Variants in PCDHA13 observed in about 807,000 individuals in gnomAD.
PCDHA13 encodes the protein protocadherin alpha-13.
In PCDHA13, 54 loss-of-function variants were observed where a neutral mutation model predicts 64.8. The ratio of observed to expected loss-of-function variants is 0.83; its 90% confidence interval spans 0.67 to 1.04. The LOEUF (loss-of-function observed/expected upper bound fraction) is 1.04, where lower values mean the gene tolerates loss of function less well. PCDHA13 is among the 50% of genes least tolerant of loss of function. The probability of loss-of-function intolerance (pLI) is 0.00; values close to 1 mark genes in which losing one functional copy is unlikely to be tolerated. For synonymous variants in PCDHA13, 587 were observed against 564.4 expected (o/e 1.04, Z -0.57); for missense variants, 1,248 against 1,254.3 (o/e 0.99, Z 0.08).
At chr5:140,901,906 G>T (rs1275600408) in intron 1 of PCDHA13, among the ~76,000 whole-genome samples, 1 of 151,902 alleles carries the variant, frequency 6.6e-6, no homozygotes, top group Non-Finnish European at 1.5e-5. Context: ...TCATTGTGGA[G>T]ATCTTTCACT....
chr5:140,981,024 A>G (rs2096915063), intron 2 of PCDHA13, among the ~76,000 whole-genome samples: 2 of 152,112 alleles, frequency 1.3e-5, no homozygotes, highest in Admixed American at 6.5e-5. Flanking sequence ...AAGGCTGTTA[A>G]TATTTGGGGA....
chr5:140,939,900 A>G (rs916984176), intron 1 of PCDHA13, among the ~76,000 whole-genome samples: 5 of 152,150 alleles, frequency 3.3e-5, no homozygotes, highest in Admixed American at 3.3e-4. Flanking sequence ...AATATTCTGC[A>G]TTCTTTTTTA....
rs1281739668 is a variant in PCDHA13, at chr5:140,966,815, C to T, written c.2395-12134C>T. On this transcript the variant is annotated intron_variant, in intron 1 of 3. Transcript: ENST00000289272. The stretch of plus-strand genomic sequence containing the variant: ...TGCGGCGACAGAGCATCCACGGCTC[C>T]GGCGGCCCATGCCCTGGCTGCTGCT... 1.9e-6 allele frequency: 3 copies of T among 1,552,884 alleles called. No individual in the cohort carries two copies. The highest frequency in any genetic ancestry group is 1.7e-6 in the Non-Finnish European group (2 of 1,153,182).
chr5:140,955,987 A>G (rs1185683030), intron 1 of PCDHA13, among the ~76,000 whole-genome samples: 3 of 152,198 alleles, frequency 2.0e-5, no homozygotes, highest in African/African-American at 7.2e-5. Flanking sequence ...CAATTTTTGC[A>G]CATTGATTTT....
Position 140,883,762 on chromosome 5 carries a change from G to T in PCDHA13, c.1494G>T (p.Arg498=). ...ALVSYSLVER[R]VGERALSSYV... Reference sequence around the variant, plus strand: ...TCTCCTACTCGCTGGTGGAGCGGCGGGTGGGCGAGCGTGCGCTGTCGAGCT... The same window carrying T: ...TCTCCTACTCGCTGGTGGAGCGGCGTGTGGGCGAGCGTGCGCTGTCGAGCT... The change falls in exon 1 of 4, where the codon CGG becomes CGT. Residue 498 remains arginine, a synonymous_variant. Coordinates refer to ENST00000289272, the MANE Select transcript of PCDHA13 (RefSeq NM_018904.3). 3 of 1,612,794 alleles carry T rather than the reference G, an allele frequency of 1.9e-6. No homozygotes were observed. The highest frequency in any genetic ancestry group is 2.5e-6 in the Non-Finnish European group (3 of 1,179,710).
chr5:141,004,094 G>C (rs962663466), intron 3 of PCDHA13, among the ~76,000 whole-genome samples: 1 of 152,194 alleles, frequency 6.6e-6, no homozygotes, highest in African/African-American at 2.4e-5. Flanking sequence ...TGCTTCTTCC[G>C]TTTTCATCTT....
intron 1 of PCDHA13, among the ~76,000 whole-genome samples, chr5:140,885,265 T>C (rs2060534945): frequency 6.6e-6 from 1 of 152,186 alleles, no homozygotes; most frequent in African/African-American, 2.4e-5. Flanking sequence ...TAATTACTCA[T>C]ACATATATAT....
intron 1 of PCDHA13, among the ~76,000 whole-genome samples, chr5:140,908,920 C>A (rs782461394): frequency 6.6e-5 from 10 of 152,180 alleles, no homozygotes; most frequent in Admixed American, 1.3e-4. Flanking sequence ...GTAGGAGGGG[C>A]CAAATGCAGC....
intron 1 of PCDHA13, among the ~76,000 whole-genome samples, chr5:140,886,844 A>AAAAG (rs1232979230): frequency 8.6e-5 from 13 of 150,634 alleles, no homozygotes; most frequent in African/African-American, 1.2e-4. Flanking sequence ...AAAAAAAAAA[A>AAAAG]AAAGAAAGGT....
intron 1 of PCDHA13, among the ~76,000 whole-genome samples, chr5:140,972,812 C>T (rs782305867): frequency 5.3e-5 from 8 of 151,914 alleles, no homozygotes; most frequent in East Asian, 3.9e-4. Context: ...TACAGGCACG[C>T]GCCACCACGC....
At position 140,884,580 on chromosome 5, in the gene PCDHA13, C is replaced by G; in HGVS notation, c.2312C>G (p.Ala771Gly). 1 of 1,614,150 alleles carries G rather than the reference C, an allele frequency of 6.2e-7. No individual in the cohort carries two copies. Among genetic ancestry groups the G allele is most frequent in the Non-Finnish European group, 8.5e-7 (1 of 1,180,014 alleles). ...GEGPHKTDLM[A>G]FSPSLPPCLG... The stretch of plus-strand genomic sequence containing the variant: ...GGCCCGCATAAGACGGACCTCATGG[C>G]CTTCAGTCCCAGCCTTCCTCCTTGT... The change falls in exon 1 of 4, where the codon GCC (alanine) becomes GGC (glycine). Residue 771 changes from alanine (A) to glycine (G), a missense_variant. Transcript: ENST00000289272.
At chr5:140,922,002 A>G (rs138196210) in intron 1 of PCDHA13, among the ~76,000 whole-genome samples, 100 of 152,130 alleles carry the variant, frequency 6.6e-4, no homozygotes, top group Admixed American at 1.6e-3. Flanking sequence ...CAATGAAATG[A>G]TTAGTTTAAA....
intron 1 of PCDHA13, chr5:140,967,921 C>T (rs781932025): frequency 6.2e-6 from 10 of 1,614,172 alleles, no homozygotes; most frequent in South Asian, 4.4e-5. Flanking sequence ...CCATTGTGGC[C>T]GTTCTCAGTG....
chr5:140,937,197 C>T (rs1228010742), intron 1 of PCDHA13, among the ~76,000 whole-genome samples: 2 of 151,938 alleles, frequency 1.3e-5, no homozygotes, highest in African/African-American at 2.4e-5. Flanking sequence ...GCCACCATGC[C>T]CGGCTAATTT....
chr5:141,008,941 G>T, intron 3 of PCDHA13, among the ~76,000 whole-genome samples: 1 of 152,140 alleles, frequency 6.6e-6, no homozygotes, highest in East Asian at 1.9e-4. Context: ...TCTTGTTTTG[G>T]ACAAAATAGA....
Position 141,010,446 on chromosome 5 carries a change from C to A in PCDHA13, c.*509C>A. On this transcript the variant is annotated 3_prime_UTR_variant, in exon 4 of 4. Coordinates refer to ENST00000289272, the MANE Select transcript of PCDHA13 (RefSeq NM_018904.3). ...AGGCAAGAAAACAAAGACAAATAAA[C>A]AGCGGAAGTTATCAGTATGGAGGGG... 1 of 944,706 alleles carries A rather than the reference C, an allele frequency of 1.1e-6. No homozygotes were observed. The highest frequency in any genetic ancestry group is 1.7e-5 in the African/African-American group (1 of 60,424). The allele number at this position is 944,706 out of a possible 1,614,324, so 58.5% of individuals were successfully genotyped here.
rs1012417649 is a variant in PCDHA13 at position 141,010,189 on chromosome 5, T to C, written c.*252T>C. On this transcript the variant is annotated 3_prime_UTR_variant, in exon 4 of 4. Coordinates refer to ENST00000289272, the MANE Select transcript of PCDHA13 (RefSeq NM_018904.3). ...AGAACCTAAAAAGCAGACCCAAGTT[T>C]CCTTTCTCCTCCGCCGCAAAGGAGA... 6 of 1,552,498 alleles carry C rather than the reference T, an allele frequency of 3.9e-6. No individual in the cohort carries two copies. Among genetic ancestry groups the C allele is most frequent in the Middle Eastern group, 1.7e-4 (1 of 5,994 alleles).
intron 3 of PCDHA13, among the ~76,000 whole-genome samples, chr5:141,003,043 C>T (rs2098108698): frequency 6.6e-6 from 1 of 152,198 alleles, no homozygotes; most frequent in Non-Finnish European, 1.5e-5. Flanking sequence ...CCCTCCTGGC[C>T]TTAACAGAAC....
At chr5:140,929,379 GT>G (rs1554207046) in intron 1 of PCDHA13, 1 of 1,513,346 alleles carries the variant, frequency 6.6e-7, no homozygotes, top group African/African-American at 1.4e-5. Context: ...GCTGCTAGCT[GT>G]GTTTTGAAAT....
Sources: allele counts gnomAD v4.1 joint callset (sites outside exome capture counted in the v4.1 genomes callset), GRCh38; gene constraint gnomAD v4.1.1; transcripts MANE v1.5; gene names NCBI Gene and HGNC (gene_info 2026-07-23, HGNC 2026-07-21).